Variants in SOD2 observed in about 807,000 individuals in gnomAD.
SOD2 encodes superoxide dismutase [Mn], mitochondrial.
A neutral mutation model predicts 27.0 loss-of-function variants in SOD2; 11 were observed. That is an observed-to-expected ratio of 0.41 (90% CI 0.26 to 0.67). SOD2 has a LOEUF of 0.67. SOD2 is among the 30% of genes least tolerant of loss of function. The pLI, the probability that SOD2 is intolerant of heterozygous loss-of-function variation, is 0.34. For missense variants in SOD2, 250 were observed against 274.5 expected, an observed-to-expected ratio of 0.91 and a Z score of 0.63; for synonymous variants, 105 against 103.0, an observed-to-expected ratio of 1.02 and a Z score of -0.12.
At chr6:159,693,289 G>C, upstream of SOD2, 2 of 803,376 alleles carry the variant, frequency 2.5e-6, no homozygotes, top group Admixed American at 5.5e-5. Context: ...GGGGAGCAGG[G>C]CCGCGACCCC....
rs749535109 is a variant in SOD2 at position 159,684,920 on chromosome 6, T to G, written c.457A>C (p.Asn153His). The G allele has an allele frequency of 6.6e-5, 106 of 1,613,694 alleles. No homozygotes were observed. The highest frequency in any genetic ancestry group is 8.8e-5 in the Non-Finnish European group (104 of 1,179,832). ...QGSGWGWLGF[N>H]KERGHLQIAA... ...ATTTGTAAGTGTCCCCGTTCCTTAT[T>G]GAAACCAAGCCAACCCCAACCTGAG... The change falls in exon 4 of 5, where the codon AAT becomes CAT. Residue 153 changes from asparagine to histidine, a missense_variant. Transcript: ENST00000538183.
rs535310140 is a variant in SOD2, at chr6:159,739,385, T to C, written c.-116+5745A>G. On this transcript the variant is annotated intron_variant, in intron 1 of 3. Transcript: ENST00000537657. The stretch of plus-strand genomic sequence containing the variant: ...TAATTTACTAATGAAGTGAGGTTAC[T>C]TTTTCTTATTAGTGTGACCTTCACC... 2.0e-5 allele frequency among the ~76,000 whole-genome samples: 3 copies of C among 152,342 alleles called. No individual in the cohort carries two copies. The East Asian group carries it at 5.8e-4, about 29-fold the overall frequency.
chr6:159,695,871 T>C (rs1777414043), upstream of SOD2, among the ~76,000 whole-genome samples: 1 of 152,160 alleles, frequency 6.6e-6, no homozygotes, highest in South Asian at 2.1e-4. Context: ...GATTGACCTG[T>C]GTCCCAAGTT....
chr6:159,677,472 A>G lies in SOD2; in HGVS notation c.*5021T>C, dbSNP rs1223295477. 6.6e-6 allele frequency: 1 copy of G among 152,206 alleles called. No individual in the cohort carries two copies. The highest frequency in any genetic ancestry group is 1.5e-5 in the Non-Finnish European group (1 of 68,028). 9.4% of individuals were successfully genotyped at this position (152,206 alleles called of 1,614,324 possible). A position where few individuals can be genotyped will look rare whatever the true frequency, so the allele number is the denominator to read the frequency against. On this transcript the variant is annotated 3_prime_UTR_variant, in exon 5 of 5. Coordinates refer to ENST00000538183, the MANE Select transcript of SOD2 (RefSeq NM_000636.4). ...ACTATACCAAATAGTATACCACTTT[A>G]GGAAGAGTGGTACCAGGTGGTAAGC...
chr6:159,683,535 T>A (rs902156414), intron 4 of SOD2, among the ~76,000 whole-genome samples: 4 of 152,138 alleles, frequency 2.6e-5, no homozygotes, highest in Non-Finnish European at 5.9e-5. Flanking sequence ...ACAAAAACAA[T>A]TCTTAACCAG....
At chr6:159,756,237 T>C (rs141699927) in intron 1 of SOD2, 1 of 152,912 alleles carries the variant, frequency 6.5e-6, no homozygotes, top group Admixed American at 6.5e-5. Context: ...TTGTATCCTG[T>C]TAATGCATAT....
intron 1 of SOD2, chr6:159,726,914 G>A (rs1778197667): frequency 2.3e-6 from 3 of 1,288,948 alleles, no homozygotes; most frequent in Non-Finnish European, 3.0e-6. Flanking sequence ...CTCTTGAGGT[G>A]GCACCTGGTC....
exon 1 of SOD2, chr6:159,761,921 C>T (rs1230183880): frequency 6.5e-6 from 5 of 766,512 alleles, no homozygotes; most frequent in African/African-American, 3.7e-5. Context: ...CCTGCTCCGG[C>T]CTTGCGCCTG....
At chr6:159,693,027 T>C (rs2114795525) in intron 1 of SOD2, 118 bp downstream of exon 1, 1 of 1,435,650 alleles carries the variant, frequency 7.0e-7, no homozygotes. Context: ...GAGAACCGCC[T>C]GCAGGTGCCC....
intron 1 of SOD2, among the ~76,000 whole-genome samples, chr6:159,752,311 T>C (rs1779849190): frequency 6.6e-6 from 1 of 152,224 alleles, no homozygotes. Flanking sequence ...AAGGTAAATA[T>C]CACAATTATT....
At chr6:159,702,204 C>T (rs547782423) in intron 1 of SOD2, among the ~76,000 whole-genome samples, 1 of 152,200 alleles carries the variant, frequency 6.6e-6, no homozygotes, top group East Asian at 1.9e-4. Context: ...CCTGTAATCC[C>T]GGTGCTTTGG....
At chr6:159,713,413 T>C (rs1777867170) in intron 1 of SOD2, 1 of 655,308 alleles carries the variant, frequency 1.5e-6, no homozygotes, top group South Asian at 1.8e-5. Flanking sequence ...AGAGGGATCA[T>C]AGTAGGTATG....
chr6:159,728,072 C>A (rs549859706), upstream of SOD2, among the ~76,000 whole-genome samples: 1 of 152,338 alleles, frequency 6.6e-6, no homozygotes, highest in African/African-American at 2.4e-5. Context: ...GAGGACCTGG[C>A]GGCACTAACG....
intron 1 of SOD2, among the ~76,000 whole-genome samples, chr6:159,701,922 C>G (rs760048718): frequency 6.6e-6 from 1 of 152,148 alleles, no homozygotes; most frequent in Non-Finnish European, 1.5e-5. Flanking sequence ...CCAAGTGTGA[C>G]CTTTACAGTT....
At chr6:159,691,328 C>T (rs974421690) in intron 2 of SOD2, 1 of 152,162 alleles carries the variant, frequency 6.6e-6, no homozygotes, top group African/African-American at 2.4e-5. Flanking sequence ...ATTCAAGGTT[C>T]GTCTGTCTCA....
At chr6:159,756,944 G>A (rs568015833) in intron 1 of SOD2, among the ~76,000 whole-genome samples, 32 of 152,184 alleles carry the variant, frequency 2.1e-4, no homozygotes, top group South Asian at 8.3e-4. Context: ...GGTTTTTTGT[G>A]ACCTGATTTC....
chr6:159,722,818 AG>A (rs1326027620), intron 1 of SOD2, among the ~76,000 whole-genome samples: 2 of 152,360 alleles, frequency 1.3e-5, no homozygotes, highest in South Asian at 2.1e-4. Context: ...CCAGACTTGT[AG>A]GAAGTCAGAC....
chr6:159,731,409 A>C (rs1442858697), upstream of SOD2, among the ~76,000 whole-genome samples: 1 of 152,178 alleles, frequency 6.6e-6, no homozygotes, highest in Non-Finnish European at 1.5e-5. Flanking sequence ...TGGAGGCTGC[A>C]GTGAGCTGTG....
intron 1 of SOD2, chr6:159,726,620 T>TG: frequency 2.3e-6 from 1 of 427,286 alleles, no homozygotes; most frequent in East Asian, 7.4e-5. Flanking sequence ...CTACTCCACT[T>TG]GCAGGACCTC....
Sources: allele counts gnomAD v4.1 joint callset (sites outside exome capture counted in the v4.1 genomes callset), GRCh38; gene constraint gnomAD v4.1.1; transcripts MANE v1.5; gene names NCBI Gene and HGNC (gene_info 2026-07-23, HGNC 2026-07-21).